Variants in OSBP2 observed in about 807,000 individuals in gnomAD.
OSBP2 encodes oxysterol-binding protein 2.
In OSBP2, 66 loss-of-function variants were observed where a neutral mutation model predicts 96.0. The ratio of observed to expected loss-of-function variants is 0.69; its 90% CI spans 0.56 to 0.84. The LOEUF (loss-of-function observed/expected upper bound fraction) is 0.84, where lower values mean the gene tolerates loss of function less well. Among genes scored for constraint, OSBP2 ranks in the 40% least tolerant of loss-of-function variants. OSBP2 has a pLI of 0.00. For synonymous variants in OSBP2, 525 were observed against 520.9 expected, an observed-to-expected ratio of 1.01 and a Z score of -0.11; for missense variants, 1,038 against 1,222.7, an observed-to-expected ratio of 0.85 and a Z score of 2.25.
chr22:30,841,172 C>CA (rs916181666), intron 2 of OSBP2, among the ~76,000 whole-genome samples: 1 of 151,292 alleles, frequency 6.6e-6, no homozygotes, highest in African/African-American at 2.4e-5. Context: ...CTCACAAAAA[C>CA]AAAAAAACAA....
chr22:30,785,598 C>T (rs1181401351), intron 2 of OSBP2, among the ~76,000 whole-genome samples: 1 of 148,386 alleles, frequency 6.7e-6, no homozygotes, highest in Non-Finnish European at 1.5e-5. Context: ...CTTAATCTTT[C>T]TGATTTAGAA....
intron 3 of OSBP2, among the ~76,000 whole-genome samples, chr22:30,880,049 C>CA (rs796440117): frequency 0.014 from 1,955 of 144,242 alleles, 37 homozygotes; most frequent in African/African-American, 0.044. Context: ...GACTCTGTCT[C>CA]AAAAAAAAAA....
intron 2 of OSBP2, among the ~76,000 whole-genome samples, chr22:30,805,877 T>G (rs1490749029): frequency 1.3e-5 from 2 of 151,900 alleles, no homozygotes; most frequent in African/African-American, 4.8e-5. Context: ...CCGTGAGGAG[T>G]CTGTTCAGAG....
At chr22:30,813,948 G>A (rs1399107863) in intron 2 of OSBP2, among the ~76,000 whole-genome samples, 1 of 151,826 alleles carries the variant, frequency 6.6e-6, no homozygotes, top group Non-Finnish European at 1.5e-5. Flanking sequence ...GATTACAGGT[G>A]CATGCCATCA....
chr22:30,802,283 C>G (rs1490258829), intron 2 of OSBP2, among the ~76,000 whole-genome samples: 1 of 152,118 alleles, frequency 6.6e-6, no homozygotes, highest in Non-Finnish European at 1.5e-5. Flanking sequence ...AGCGGTTCTG[C>G]GAGATGTCAT....
rs2039700936 is a variant in OSBP2, at chr22:30,881,474, C to T, written c.1108-5952C>T. On this transcript the variant is annotated intron_variant, in intron 3 of 13. Coordinates refer to ENST00000332585, the MANE Select transcript of OSBP2 (RefSeq NM_030758.4). This position sits in a 1 kb window ranked among gnomAD's most constrained non-coding sequence, Gnocchi z 4.5. ...TGCGGGTAGGGGGCTTCAGGTCAGC[C>T]CGTCTCTCCTCCTGCTCACAGCTGA... Among the ~76,000 whole-genome samples, 1 of 152,158 alleles carries T rather than the reference C, an allele frequency of 6.6e-6. No individual in the cohort carries two copies. The highest frequency in any genetic ancestry group is 6.5e-5 in the Admixed American group (1 of 15,286).
chr22:30,778,586 G>A (rs911905322), intron 2 of OSBP2, among the ~76,000 whole-genome samples: 1 of 152,012 alleles, frequency 6.6e-6, no homozygotes, highest in African/African-American at 2.4e-5. Flanking sequence ...CTTTCCTAGG[G>A]AAAATTCTAT....
intron 1 of OSBP2, among the ~76,000 whole-genome samples, chr22:30,700,171 G>A (rs373655860): frequency 5.3e-5 from 8 of 151,388 alleles, no homozygotes; most frequent in African/African-American, 1.5e-4. Flanking sequence ...TCACCATGTC[G>A]GCCAAGCTGA....
chr22:30,858,221 A>G (rs1229380204), intron 2 of OSBP2, among the ~76,000 whole-genome samples: 1 of 148,104 alleles, frequency 6.8e-6, no homozygotes, highest in East Asian at 2.0e-4. Context: ...ATCTCGGCTC[A>G]CTGCAAGCTC....
intron 1 of OSBP2, among the ~76,000 whole-genome samples, chr22:30,722,604 T>C (rs534042663): frequency 6.6e-5 from 10 of 152,128 alleles, no homozygotes; most frequent in African/African-American, 2.4e-4. Context: ...AAGATCCTGA[T>C]CTTTCTTTCT....
intron 2 of OSBP2, among the ~76,000 whole-genome samples, chr22:30,749,506 G>A (rs927924766): frequency 6.6e-6 from 1 of 152,192 alleles, no homozygotes; most frequent in African/African-American, 2.4e-5. Flanking sequence ...AAATGAACTT[G>A]TGACATTTGG....
At chr22:30,806,544 G>A (rs1430713627) in intron 2 of OSBP2, among the ~76,000 whole-genome samples, 1 of 152,142 alleles carries the variant, frequency 6.6e-6, no homozygotes, top group South Asian at 2.1e-4. Flanking sequence ...AATCAACTAG[G>A]CCAACCTCTC....
At chr22:30,845,585 A>AC (rs2038851120) in intron 2 of OSBP2, among the ~76,000 whole-genome samples, 1 of 151,638 alleles carries the variant, frequency 6.6e-6, no homozygotes, top group Non-Finnish European at 1.5e-5. Flanking sequence ...AAAAAAAAAA[A>AC]AGTGGGGGTG....
chr22:30,706,579 C>T (rs956522938), intron 1 of OSBP2, among the ~76,000 whole-genome samples: 9 of 152,128 alleles, frequency 5.9e-5, no homozygotes, highest in African/African-American at 2.2e-4. Flanking sequence ...GGAGGTGCCG[C>T]CTTCCTAATA....
chr22:30,852,007 CG>C (rs1395146641), intron 2 of OSBP2, among the ~76,000 whole-genome samples: 1 of 152,134 alleles, frequency 6.6e-6, no homozygotes, highest in Non-Finnish European at 1.5e-5. Context: ...AAACCTTGCA[CG>C]CCTGAGATAA....
upstream of OSBP2, chr22:30,694,095 C>G: frequency 7.5e-7 from 1 of 1,342,124 alleles, no homozygotes; most frequent in South Asian, 1.2e-5. Context: ...GGAAGCCTCA[C>G]AGACTGCCAG....
At chr22:30,882,318 G>T (rs1432050739) in intron 3 of OSBP2, among the ~76,000 whole-genome samples, 1 of 152,132 alleles carries the variant, frequency 6.6e-6, no homozygotes, top group Non-Finnish European at 1.5e-5. Context: ...CCCTCAAGGG[G>T]CTCCCAGACG....
intron 2 of OSBP2, among the ~76,000 whole-genome samples, chr22:30,762,380 C>G (rs2090216962): frequency 6.6e-6 from 1 of 151,804 alleles, no homozygotes; most frequent in African/African-American, 2.4e-5. Context: ...AACCCTGTCT[C>G]CACTGAAAAT....
At chr22:30,761,969 C>T (rs1602228232) in intron 2 of OSBP2, among the ~76,000 whole-genome samples, 1 of 152,070 alleles carries the variant, frequency 6.6e-6, no homozygotes, top group South Asian at 2.1e-4. Context: ...TATAATACTC[C>T]CAGCAGTTTG....
Sources: allele counts gnomAD v4.1 joint callset (sites outside exome capture counted in the v4.1 genomes callset), GRCh38; gene constraint gnomAD v4.1.1; non-coding constraint Gnocchi (gnomAD v3.1); transcripts MANE v1.5; gene names NCBI Gene and HGNC (gene_info 2026-07-23, HGNC 2026-07-21).